Variants in UNC79 observed in about 807,000 individuals in gnomAD.
The protein encoded by UNC79 is protein unc-79 homolog.
A neutral mutation model predicts 283.1 loss-of-function variants in UNC79; 37 were observed. That is an observed-to-expected ratio of 0.13 (90% CI 0.10 to 0.17). The LOEUF (loss-of-function observed/expected upper bound fraction) is 0.17, where lower values mean the gene tolerates loss of function less well. Among genes scored for constraint, UNC79 ranks in the 10% least tolerant of loss-of-function variants. The probability of loss-of-function intolerance (pLI) is 1.00; values close to 1 mark genes in which losing one functional copy is unlikely to be tolerated. For synonymous variants in UNC79, 1,107 were observed against 1,200.2 expected, an observed-to-expected ratio of 0.92 and a Z score of 1.61; for missense variants, 2,272 against 3,211.1, an observed-to-expected ratio of 0.71 and a Z score of 7.07.
rs1468739755 is a variant in UNC79 at position 93,455,915 on chromosome 14, TG to T, written c.23-11755del. Among the ~76,000 whole-genome samples, 10 of 117,614 alleles carry T rather than the reference TG, an allele frequency of 8.5e-5. No individual in the cohort carries two copies. The East Asian group carries it at 2.3e-3, about 27-fold the overall frequency. The allele number at this position is 117,614 out of a possible 152,430, so 77.2% of individuals were successfully genotyped here. On this transcript the variant is annotated intron_variant, in intron 1 of 48. Coordinates refer to ENST00000555664, the Ensembl canonical transcript of UNC79. ...TTTTTCCCATCAGTACAATGGATTG[TG>T]TGTGTGTGTGTGTGTGTGTGTGTGT... is the stretch of plus-strand genomic sequence containing the variant.
At chr14:93,550,514 CAAAAAAAAAAAAAA>C (rs1205210121) in intron 14 of UNC79, among the ~76,000 whole-genome samples, 13 of 19,194 alleles carry the variant, frequency 6.8e-4, no homozygotes, top group Admixed American at 6.0e-3. Context: ...GACTCCGTAT[CAAAAAAAAAAAAAA>C]AAAAAAAAAA....
chr14:93,339,983 C>T (rs1204322270), intron 1 of UNC79, among the ~76,000 whole-genome samples: 1 of 152,160 alleles, frequency 6.6e-6, no homozygotes, highest in African/African-American at 2.4e-5. Flanking sequence ...TCTATTAGCT[C>T]ATGGCTTTCG....
chr14:93,360,013 T>G (rs1345383999), intron 1 of UNC79, among the ~76,000 whole-genome samples: 3 of 152,206 alleles, frequency 2.0e-5, no homozygotes, highest in South Asian at 4.1e-4. Flanking sequence ...AACATCATTG[T>G]GGTCCTCCAG....
chr14:93,660,137 T>A (rs2071383633), intron 39 of UNC79, among the ~76,000 whole-genome samples: 1 of 152,222 alleles, frequency 6.6e-6, no homozygotes, highest in African/African-American at 2.4e-5. Context: ...TTGCTATAGC[T>A]TGTAATTACT....
At chr14:93,706,452 T>C (rs1159748338) in intron 48 of UNC79, among the ~76,000 whole-genome samples, 2 of 152,150 alleles carry the variant, frequency 1.3e-5, no homozygotes, top group Non-Finnish European at 2.9e-5. Flanking sequence ...TGTGGCAGCT[T>C]TATGTTTTCA....
chr14:93,575,933 G>A (rs1031337674), intron 17 of UNC79, among the ~76,000 whole-genome samples: 1 of 152,164 alleles, frequency 6.6e-6, no homozygotes, highest in African/African-American at 2.4e-5. Context: ...GACATCTAGG[G>A]ATTAAAACAT....
At chr14:93,595,347 C>A (rs1380266899) in intron 23 of UNC79, among the ~76,000 whole-genome samples, 1 of 152,148 alleles carries the variant, frequency 6.6e-6, no homozygotes, top group East Asian at 1.9e-4. Flanking sequence ...ACCTCGACCT[C>A]CTAAAATGCT....
Position 93,474,596 on chromosome 14 carries a change from C to T in UNC79, c.448+203C>T, listed in dbSNP as rs1240079396. Among the ~76,000 whole-genome samples, 3 of 151,994 alleles carry T rather than the reference C, an allele frequency of 2.0e-5. No homozygotes were observed. Among genetic ancestry groups the T allele is most frequent in the Admixed American group, 6.6e-5 (1 of 15,244 alleles). ...TGTTTTATTGCCAGAGGGATGTTAT[C>T]CAAGTGGAGTATTGGGGGAGAATGG... On this transcript the variant is annotated intron_variant, in intron 3 of 48. Transcript: ENST00000555664. The surrounding 1 kb of genome is among the most constrained non-coding windows in gnomAD (Gnocchi z 4.1).
intron 47 of UNC79, among the ~76,000 whole-genome samples, chr14:93,697,371 G>A (rs1566941069): frequency 6.6e-6 from 1 of 152,054 alleles, no homozygotes; most frequent in East Asian, 1.9e-4. Context: ...CCTGACCTCA[G>A]GTGATCTGCC....
At chr14:93,664,913 T>A (rs1450453103) in intron 40 of UNC79, among the ~76,000 whole-genome samples, 1 of 152,048 alleles carries the variant, frequency 6.6e-6, no homozygotes, top group Non-Finnish European at 1.5e-5. Flanking sequence ...CTAATGAACA[T>A]GAGCTCATAA....
intron 43 of UNC79, 143 bp downstream of exon 46, chr14:93,686,804 A>G: frequency 5.9e-6 from 5 of 848,304 alleles, no homozygotes; most frequent in Middle Eastern, 3.5e-4. Flanking sequence ...GGGGGATCAA[A>G]GAGCCAGGGT....
chr14:93,460,186 A>C (rs1381642339), intron 1 of UNC79, among the ~76,000 whole-genome samples: 1 of 119,252 alleles, frequency 8.4e-6, no homozygotes, highest in Non-Finnish European at 1.7e-5. Flanking sequence ...CCTGGGAGAC[A>C]GACCAAGATT....
At chr14:93,342,574 T>C (rs1170661162) in intron 1 of UNC79, among the ~76,000 whole-genome samples, 2 of 152,226 alleles carry the variant, frequency 1.3e-5, no homozygotes, top group African/African-American at 4.8e-5. Flanking sequence ...CAAATTTTTG[T>C]AGTTGGTGGC....
intron 1 of UNC79, among the ~76,000 whole-genome samples, chr14:93,382,744 T>A (rs1295716450): frequency 6.6e-6 from 1 of 151,808 alleles, no homozygotes; most frequent in African/African-American, 2.4e-5. Flanking sequence ...GGTTCTGGAA[T>A]CCATGTGTTC....
Position 93,660,962 on chromosome 14 carries a change from T to C in UNC79, c.6526-1642T>C, listed in dbSNP as rs150569653. 5.3e-5 allele frequency among the ~76,000 whole-genome samples: 8 copies of C among 152,194 alleles called. No homozygotes were observed. The East Asian group carries it at 1.4e-3, about 26-fold the overall frequency. On this transcript the variant is annotated intron_variant, in intron 39 of 48. Transcript: ENST00000555664. ...ACTAAGTCTGTGAGTTTCTTTAAGA[T>C]TTTCTATATGGAAAGCACCACATGG...
chr14:93,384,334 C>T (rs1034220304), intron 1 of UNC79, among the ~76,000 whole-genome samples: 1 of 152,156 alleles, frequency 6.6e-6, no homozygotes, highest in African/African-American at 2.4e-5. Context: ...CAAGGGTTCC[C>T]TTTTCTCCAC....
intron 7 of UNC79, among the ~76,000 whole-genome samples, chr14:93,516,458 G>GA (rs1210273554): frequency 2.6e-5 from 3 of 116,524 alleles, no homozygotes; most frequent in South Asian, 3.4e-4. Context: ...TTTGGGGGGG[G>GA]GGGTGGGGGA....
At chr14:93,691,784 G>C (rs144679822) in exon 46 of UNC79, 31 of 1,614,008 alleles carry the variant, frequency 1.9e-5, no homozygotes, top group Non-Finnish European at 2.5e-5. Flanking sequence ...TCTTCCACGC[G>C]TTCATCTTTG....
At position 93,510,370 on chromosome 14, in the gene UNC79, G is replaced by A. The variant is rs1595698778; in HGVS notation, c.898+13084G>A. Among the ~76,000 whole-genome samples the A allele has an allele frequency of 2.0e-5, 3 of 152,110 alleles. No individual in the cohort carries two copies. The Middle Eastern group carries it at 0.01, about 517-fold the overall frequency. On this transcript the variant is annotated intron_variant, in intron 7 of 48. Transcript: ENST00000555664. Reference sequence around the variant, plus strand: ...GGCTTGAATTCCTCCCCAGAAAATGGGTTTTTATTTTTACCACATGGTCAG... The same window carrying A: ...GGCTTGAATTCCTCCCCAGAAAATGAGTTTTTATTTTTACCACATGGTCAG...
Sources: allele counts gnomAD v4.1 joint callset (sites outside exome capture counted in the v4.1 genomes callset), GRCh38; gene constraint gnomAD v4.1.1; non-coding constraint Gnocchi (gnomAD v3.1); transcripts MANE v1.5; gene names NCBI Gene and HGNC (gene_info 2026-07-23, HGNC 2026-07-21).